The following SERPINA9 variants were observed in gnomAD, a reference collection of about 807,000 sequenced individuals.
SERPINA9 encodes serpin family A member 9, also known as serpin A9.
SERPINA9 carries 32 observed loss-of-function variants against 24.5 expected under a neutral mutation model. The ratio of observed to expected loss-of-function variants is 1.30; its 90% CI spans 0.98 to 1.75. The LOEUF (loss-of-function observed/expected upper bound fraction) is 1.75. Among genes scored for constraint, SERPINA9 ranks in the 40% most tolerant of loss-of-function variants. SERPINA9 has a pLI of 0.00. For synonymous variants in SERPINA9, 233 were observed against 197.7 expected (o/e 1.18, Z -1.50); for missense variants, 594 against 497.1 (o/e 1.19, Z -1.85).
intron 1 of SERPINA9, chr14:94,475,813 A>T: frequency 2.3e-6 from 1 of 440,354 alleles, no homozygotes; most frequent in Non-Finnish European, 4.0e-6. Context: ...CAACAACAAA[A>T]ACACTCCTTT....
rs1349611465 is a variant in SERPINA9 at position 94,464,783 on chromosome 14, A to G, written c.974T>C (p.Met325Thr). Residue 325 changes from methionine to threonine, a missense_variant, in exon 4 of 5, where the codon ATG becomes ACG. Met to Thr is a moderately conservative substitution (Grantham distance 81, BLOSUM62 -1). Transcript: ENST00000674397. ...SYNLETILPK[M>T]GIQNVFDKNA... The stretch of plus-strand genomic sequence containing the variant: ...TTTGTCAAAGACATTTTGGATGCCC[A>G]TCTTCGGGAGGATGGTTTCCAGATT... 3.7e-6 allele frequency: 6 copies of G among 1,613,164 alleles called. No homozygotes were observed. The highest frequency in any genetic ancestry group is 4.2e-6 in the Non-Finnish European group (5 of 1,179,206).
At chr14:94,469,958 C>G in intron 1 of SERPINA9, 101 bp from the exon 2 acceptor site, 1 of 942,932 alleles carries the variant, frequency 1.1e-6, no homozygotes, top group Non-Finnish European at 1.5e-6. Flanking sequence ...AGAATGAGGA[C>G]AGATAGGCCA....
At position 94,463,283 on chromosome 14, in the gene SERPINA9, GCCT is replaced by G. The variant is rs1477900479; in HGVS notation, c.1061_1063del (p.Lys354_Ala355delinsThr). ...GCCCTCTTCACTGACATCCAGCACA[GCCT>G]TGTGGGTTGCCTGCCAAGGGAAAAA... On this transcript the variant is annotated inframe_deletion, in exon 5 of 5. Coordinates refer to ENST00000674397, the MANE Select transcript of SERPINA9 (RefSeq NM_175739.4). 27 of 1,613,952 alleles carry G rather than the reference GCCT, an allele frequency of 1.7e-5. No individual in the cohort carries two copies. The highest frequency in any genetic ancestry group is 2.3e-5 in the Non-Finnish European group (27 of 1,180,020).
At position 94,467,341 on chromosome 14, in the gene SERPINA9, T is replaced by C; in HGVS notation, c.670A>G (p.Asn224Asp). 1 of 1,613,876 alleles carries C rather than the reference T, an allele frequency of 6.2e-7. No homozygotes were observed. Among genetic ancestry groups the C allele is most frequent in the Middle Eastern group, 1.6e-4 (1 of 6,062 alleles). The change falls in exon 3 of 5, where the codon AAC (asparagine) becomes GAC (aspartate). Residue 224 changes from asparagine to aspartate, a missense_variant. Coordinates refer to ENST00000674397, the MANE Select transcript of SERPINA9 (RefSeq NM_175739.4). ...TGCTCGCCCACCAGGAATGGGAAGT[T>C]CTTTCTTGTATATTCAGGGTGAAAG... Reference protein sequence around the residue: ...KPFHPEYTRKNFPFLVGEQVT... With the variant: ...KPFHPEYTRKDFPFLVGEQVT...
At chr14:94,472,858 G>T (rs1899390485) in intron 1 of SERPINA9, among the ~76,000 whole-genome samples, 1 of 152,208 alleles carries the variant, frequency 6.6e-6, no homozygotes, top group South Asian at 2.1e-4. Context: ...CCTGTGCAAG[G>T]GCCCAGAGGG....
chr14:94,474,380 A>C (rs8021858), intron 1 of SERPINA9, among the ~76,000 whole-genome samples: 1 of 151,928 alleles, frequency 6.6e-6, no homozygotes, highest in South Asian at 2.1e-4. Flanking sequence ...TGGCTAGTAA[A>C]TGTCCTGAGT....
At chr14:94,475,048 A>C (rs556325016) in intron 1 of SERPINA9, among the ~76,000 whole-genome samples, 1 of 151,926 alleles carries the variant, frequency 6.6e-6, no homozygotes, top group Non-Finnish European at 1.5e-5. Flanking sequence ...ATTCCACCCC[A>C]TCCCCTATCT....
At chr14:94,464,293 CT>C (rs1898883957) in intron 4 of SERPINA9, 8 of 213,704 alleles carry the variant, frequency 3.7e-5, no homozygotes, top group South Asian at 1.8e-4. Flanking sequence ...CTCTCTCTCT[CT>C]CTCTCTCTCT....
chr14:94,475,402 G>T (rs539634493), intron 1 of SERPINA9, among the ~76,000 whole-genome samples: 2 of 150,000 alleles, frequency 1.3e-5, no homozygotes, highest in Admixed American at 6.7e-5. Context: ...TGCTACATAT[G>T]CATGTGTGCC....
chr14:94,470,922 T>A (rs938445765), intron 1 of SERPINA9, among the ~76,000 whole-genome samples: 1 of 152,170 alleles, frequency 6.6e-6, no homozygotes, highest in East Asian at 1.9e-4. Context: ...GACCCTGAGA[T>A]ACAACAGTAA....
rs532050549 is a variant in SERPINA9 at position 94,469,797 on chromosome 14, C to T, written c.44G>A (p.Cys15Tyr). 2.6e-6 allele frequency: 4 copies of T among 1,525,300 alleles called. No homozygotes were observed. The African/African-American group carries it at 5.6e-5, about 21-fold the overall frequency. 94.5% of individuals were successfully genotyped at this position (1,525,300 alleles called of 1,614,324 possible). The change falls in exon 2 of 5, where the codon TGT (cysteine) becomes TAT (tyrosine). Residue 15 changes from cysteine (C) to tyrosine (Y), a missense_variant. By Grantham distance (194) the Cys-to-Tyr change is radical. Transcript: ENST00000674397. ...LYGVLFAVGL[C>Y]APIYCVSPAN... ...CGGGGACACACAGTAGATTGGAGCA[C>T]AGAGGCCAACAGCAAAGAGTACTCC...
In SERPINA9 at chr14:94,466,974, G is replaced by A. The variant is rs149999245; in HGVS notation, c.902+135C>T. The A allele has an allele frequency of 8.4e-5, 79 of 944,496 alleles. No homozygotes were observed. In the East Asian group the frequency reaches 1.5e-3, roughly 18 times the overall value. The allele number at this position is 944,496 out of a possible 1,614,324, so 58.5% of individuals were successfully genotyped here. A position where few individuals can be genotyped will look rare whatever the true frequency, so the allele number is the denominator to read the frequency against. ...TGTGAACATGTATAGACAGCCCCAG[G>A]CTCTCTGTCCTGCATGCAGTTGGTG... On this transcript the variant is annotated intron_variant, in intron 3 of 4. Coordinates refer to ENST00000674397, the MANE Select transcript of SERPINA9 (RefSeq NM_175739.4).
At chr14:94,475,418 G>A (rs964676340) in intron 1 of SERPINA9, among the ~76,000 whole-genome samples, 1 of 122,810 alleles carries the variant, frequency 8.1e-6, no homozygotes, top group African/African-American at 3.2e-5. Flanking sequence ...GTGCCTACAT[G>A]TGCACACACA....
intron 1 of SERPINA9, 26 bp downstream of exon 1, chr14:94,476,110 T>C (rs756613071): frequency 6.2e-7 from 1 of 1,614,076 alleles, no homozygotes; most frequent in South Asian, 1.1e-5. Context: ...ACATTCCCGA[T>C]CTCTCTGCAC....
Position 94,469,790 on chromosome 14 carries a change from T to A in SERPINA9, c.51A>T (p.Pro17=). Residue 17 remains proline (P), a synonymous_variant, in exon 2 of 5, where the codon CCA becomes CCT. Coordinates refer to ENST00000674397, the MANE Select transcript of SERPINA9 (RefSeq NM_175739.4). ...GVLFAVGLCA[P]IYCVSPANAP... ...CATTGGCCGGGGACACACAGTAGATTGGAGCACAGAGGCCAACAGCAAAGA... is the reference window on the plus strand; with the variant it reads ...CATTGGCCGGGGACACACAGTAGATAGGAGCACAGAGGCCAACAGCAAAGA... 1.3e-6 allele frequency: 2 copies of A among 1,533,068 alleles called. No homozygotes were observed. The highest frequency in any genetic ancestry group is 1.8e-6 in the Non-Finnish European group (2 of 1,140,830). The allele number at this position is 1,533,068 out of a possible 1,614,324, so 95.0% of individuals were successfully genotyped here.
rs1453770363 is a variant in SERPINA9 at position 94,469,524 on chromosome 14, G to GGT, written c.315_316dup (p.Pro106HisfsTer17). 5 of 1,614,092 alleles carry GGT rather than the reference G, an allele frequency of 3.1e-6. No individual in the cohort carries two copies. The highest frequency in any genetic ancestry group is 3.4e-6 in the Non-Finnish European group (4 of 1,179,992). On this transcript the variant is annotated frameshift_variant, in exon 2 of 5. Transcript: ENST00000674397. LOFTEE classifies it high-confidence loss of function. ...GAAGCCCTGGTGGATGGCAGACTCT[G>GGT]GTGTGTGTGTGAGGTTGAAGCCCAG... is the stretch of plus-strand genomic sequence containing the variant.
At chr14:94,473,071 A>G (rs1035074307) in intron 1 of SERPINA9, among the ~76,000 whole-genome samples, 7 of 152,190 alleles carry the variant, frequency 4.6e-5, no homozygotes, top group African/African-American at 1.4e-4. Flanking sequence ...AGAATTCTCA[A>G]GACTATCCCT....
At chr14:94,466,873 C>A (rs1027596514) in intron 3 of SERPINA9, among the ~76,000 whole-genome samples, 4 of 152,174 alleles carry the variant, frequency 2.6e-5, no homozygotes, top group African/African-American at 4.8e-5. Context: ...ATTCACTTAC[C>A]CCTTGGAGCC....
In SERPINA9 at chr14:94,464,717, T is replaced by G; in HGVS notation, c.1040A>C (p.Gln347Pro). 1 of 1,613,322 alleles carries G rather than the reference T, an allele frequency of 6.2e-7. No individual in the cohort carries two copies. The highest frequency in any genetic ancestry group is 8.5e-7 in the Non-Finnish European group (1 of 1,179,530). ...FSGIAKRDSL[Q>P]VSKATHKAVL... Reference sequence around the variant, plus strand: ...TTTCATTCAACTCACTTTAGAAACCTGCAGGGAGTCTCTCTTTGCAATTCC... The same window carrying G: ...TTTCATTCAACTCACTTTAGAAACCGGCAGGGAGTCTCTCTTTGCAATTCC... The change falls in exon 4 of 5, where the codon CAG becomes CCG. Residue 347 changes from glutamine to proline, a missense_variant. Physicochemically the swap from Gln to Pro is moderately conservative, Grantham distance 76. Transcript: ENST00000674397.
Sources: gnomAD v4.1 joint callset for allele counts (sites outside exome capture counted in the v4.1 genomes callset) on GRCh38, gnomAD v4.1.1 for gene constraint, MANE v1.5 for transcripts, NCBI Gene and HGNC (gene_info 2026-07-23, HGNC 2026-07-21) for gene names.